The following AGMO variants were observed in gnomAD, a reference collection of about 807,000 sequenced individuals.
AGMO encodes alkylglycerol monooxygenase.
In AGMO, 75 loss-of-function variants were observed where a neutral mutation model predicts 60.2. The ratio of observed to expected loss-of-function variants is 1.25; its 90% CI spans 1.03 to 1.51. The LOEUF is 1.51. AGMO is among the 40% of genes most tolerant of loss of function. The pLI, the probability that AGMO is intolerant of heterozygous loss-of-function variation, is 0.00. For missense variants in AGMO, 763 were observed against 525.5 expected, an observed-to-expected ratio of 1.45 and a Z score of -4.42; for synonymous variants, 261 against 177.1, an observed-to-expected ratio of 1.47 and a Z score of -3.76.
chr7:15,555,991 T>A (rs1379608971), intron 2 of AGMO, among the ~76,000 whole-genome samples: 2 of 151,908 alleles, frequency 1.3e-5, no homozygotes, highest in Non-Finnish European at 2.9e-5. Flanking sequence ...ATTATTAACG[T>A]TACACAGATT....
intron 10 of AGMO, among the ~76,000 whole-genome samples, chr7:15,375,309 A>T (rs1234423626): frequency 6.6e-6 from 1 of 151,806 alleles, no homozygotes; most frequent in Non-Finnish European, 1.5e-5. Flanking sequence ...ATACCTTTTC[A>T]TTATTTTCCA....
intron 3 of AGMO, among the ~76,000 whole-genome samples, chr7:15,481,603 T>C (rs889766004): frequency 2.0e-5 from 3 of 151,266 alleles, no homozygotes; most frequent in South Asian, 2.1e-4. Context: ...AAAGGAGAAA[T>C]AGATAAATGT....
At chr7:15,217,652 G>A (rs1781781530) in intron 12 of AGMO, among the ~76,000 whole-genome samples, 1 of 151,566 alleles carries the variant, frequency 6.6e-6, no homozygotes, top group Non-Finnish European at 1.5e-5. Flanking sequence ...CCAATGAACT[G>A]GCAAATAAAA....
At chr7:15,269,522 G>A (rs1176427130) in intron 12 of AGMO, among the ~76,000 whole-genome samples, 2 of 152,044 alleles carry the variant, frequency 1.3e-5, no homozygotes, top group African/African-American at 2.4e-5. Flanking sequence ...TGCATGAAAG[G>A]GAGATTATCC....
At chr7:15,279,467 T>C (rs1783899499) in intron 12 of AGMO, among the ~76,000 whole-genome samples, 2 of 151,886 alleles carry the variant, frequency 1.3e-5, no homozygotes, top group Admixed American at 6.5e-5. Flanking sequence ...TGAACACTGG[T>C]TGTTTTTTTT....
rs77454772 is a variant in AGMO, at chr7:15,385,745, T to C, written c.958-183A>G. Among the ~76,000 whole-genome samples the C allele has an allele frequency of 0.012, 1,817 of 152,304 alleles. 138 individuals are homozygous for C. In the East Asian group the frequency reaches 0.23, roughly 19 times the overall value. ...TCTCATTTTGAAAGCATTACAATTA[T>C]GACGTAGTCTGCCTTAAAGAGCAGC... On this transcript the variant is annotated intron_variant, in intron 9 of 12. Transcript: ENST00000342526.
chr7:15,235,277 G>C (rs562548924), intron 12 of AGMO, among the ~76,000 whole-genome samples: 1 of 151,950 alleles, frequency 6.6e-6, no homozygotes, highest in Non-Finnish European at 1.5e-5. Flanking sequence ...CCCCATTGGC[G>C]CTTTCCTTAA....
chr7:15,396,218 G>T (rs576644141), intron 5 of AGMO: 2 of 152,472 alleles, frequency 1.3e-5, no homozygotes, highest in Non-Finnish European at 1.5e-5. Context: ...CTGACTTCAA[G>T]AAAGAAGCCC....
chr7:15,146,111 A>G, the AGMO span, among the ~76,000 whole-genome samples: 1 of 152,316 alleles, frequency 6.6e-6, no homozygotes, highest in Admixed American at 6.5e-5. Flanking sequence ...ACAAATAAAA[A>G]TCTGCTATAG....
chr7:15,499,033 T>C (rs1783308913), intron 3 of AGMO, among the ~76,000 whole-genome samples: 1 of 151,944 alleles, frequency 6.6e-6, no homozygotes, highest in Admixed American at 6.6e-5. Flanking sequence ...AGAATTCTTC[T>C]TATTCTTGTG....
At chr7:15,314,504 T>G (rs1218050376) in intron 12 of AGMO, among the ~76,000 whole-genome samples, 1 of 152,182 alleles carries the variant, frequency 6.6e-6, no homozygotes, top group Non-Finnish European at 1.5e-5. Context: ...GTACTTTAAA[T>G]CACATTCTAG....
At chr7:15,127,838 G>C in the AGMO span, among the ~76,000 whole-genome samples, 1 of 151,848 alleles carries the variant, frequency 6.6e-6, no homozygotes, top group South Asian at 2.1e-4. Flanking sequence ...TTTGAGTTTT[G>C]GAAATGTAGT....
chr7:15,295,905 G>A (rs1784391799), intron 12 of AGMO, among the ~76,000 whole-genome samples: 1 of 152,058 alleles, frequency 6.6e-6, no homozygotes, highest in South Asian at 2.1e-4. Flanking sequence ...AGAGCTCAAT[G>A]TTATCCTTAT....
intron 12 of AGMO, among the ~76,000 whole-genome samples, chr7:15,220,031 A>G (rs1222079831): frequency 1.3e-5 from 2 of 152,018 alleles, no homozygotes; most frequent in Non-Finnish European, 2.9e-5. Context: ...CCCGTCCTTG[A>G]AGGCAGGCCT....
At chr7:15,481,886 G>A (rs1430311016) in intron 3 of AGMO, among the ~76,000 whole-genome samples, 1 of 148,856 alleles carries the variant, frequency 6.7e-6, no homozygotes, top group Non-Finnish European at 1.5e-5. Context: ...GACTAAGACA[G>A]GAATCAATAA....
chr7:15,307,492 G>T (rs1780650075), intron 12 of AGMO, among the ~76,000 whole-genome samples: 1 of 151,792 alleles, frequency 6.6e-6, no homozygotes, highest in Non-Finnish European at 1.5e-5. Flanking sequence ...AAACTAGTAA[G>T]GATGTTCTGA....
At chr7:15,357,980 G>C (rs557933372) in intron 12 of AGMO, among the ~76,000 whole-genome samples, 3 of 152,152 alleles carry the variant, frequency 2.0e-5, no homozygotes, top group African/African-American at 4.8e-5. Flanking sequence ...GAGAAAAAAA[G>C]CAAGACAGGA....
At chr7:15,224,116 G>T (rs1782003583) in intron 12 of AGMO, among the ~76,000 whole-genome samples, 1 of 151,900 alleles carries the variant, frequency 6.6e-6, no homozygotes, top group Non-Finnish European at 1.5e-5. Context: ...CTCCTTCTAA[G>T]AAGGTATGGT....
At chr7:15,351,060 G>T (rs906805999) in intron 12 of AGMO, among the ~76,000 whole-genome samples, 1 of 152,106 alleles carries the variant, frequency 6.6e-6, no homozygotes, top group African/African-American at 2.4e-5. Flanking sequence ...AATTTTTTCA[G>T]CCAAAGTTAT....
Sources: gnomAD v4.1 joint callset for allele counts (sites outside exome capture counted in the v4.1 genomes callset) on GRCh38, gnomAD v4.1.1 for gene constraint, MANE v1.5 for transcripts, NCBI Gene and HGNC (gene_info 2026-07-23, HGNC 2026-07-21) for gene names.